The following GNAL variants were observed in gnomAD, a reference collection of about 807,000 sequenced individuals.
GNAL encodes guanine nucleotide-binding protein G(olf) subunit alpha.
GNAL carries 18 observed loss-of-function variants against 55.1 expected under a neutral mutation model. The ratio of observed to expected loss-of-function variants is 0.33; its 90% CI spans 0.23 to 0.48. The LOEUF (loss-of-function observed/expected upper bound fraction) is 0.48, where lower values mean the gene tolerates loss of function less well. Ranked by LOEUF, GNAL falls within the 20% of genes least tolerant of loss-of-function variation. GNAL has a pLI of 0.99. For missense variants in GNAL, 412 were observed against 614.1 expected (o/e 0.67, Z 3.48); for synonymous variants, 253 against 237.0 (o/e 1.07, Z -0.62).
At chr18:11,809,084 CCTGTCT>C (rs897395367) in intron 4 of GNAL, among the ~76,000 whole-genome samples, 3 of 152,132 alleles carry the variant, frequency 2.0e-5, no homozygotes, top group Non-Finnish European at 4.4e-5. Flanking sequence ...ATGGCAAAAC[CCTGTCT>C]CTACCTAAAA....
intron 4 of GNAL, among the ~76,000 whole-genome samples, chr18:11,780,913 A>T (rs896331942): frequency 6.6e-6 from 1 of 152,220 alleles, no homozygotes; most frequent in African/African-American, 2.4e-5. Context: ...CAACCCTAGG[A>T]GTCCATTCGT....
intron 5 of GNAL, chr18:11,857,827 C>T: frequency 1.6e-6 from 1 of 643,520 alleles, no homozygotes; most frequent in Non-Finnish European, 1.9e-6. Context: ...TCCTGGGCTC[C>T]AGTGATCCTG....
At chr18:11,791,396 G>T (rs2034232229) in intron 4 of GNAL, among the ~76,000 whole-genome samples, 1 of 152,214 alleles carries the variant, frequency 6.6e-6, no homozygotes, top group African/African-American at 2.4e-5. Flanking sequence ...GCCTGGGTTA[G>T]GGGGTGAAAC....
At chr18:11,706,743 A>G (rs1192466247) in intron 1 of GNAL, among the ~76,000 whole-genome samples, 1 of 152,220 alleles carries the variant, frequency 6.6e-6, no homozygotes, top group Non-Finnish European at 1.5e-5. Flanking sequence ...CATTCATAAG[A>G]AGCAACTCCT....
intron 4 of GNAL, among the ~76,000 whole-genome samples, chr18:11,771,717 GTTGT>G (rs758462946): frequency 3.3e-5 from 5 of 151,488 alleles, no homozygotes; most frequent in African/African-American, 9.7e-5. Flanking sequence ...AAATTTTTTT[GTTGT>G]TTGTTTGTTT....
At chr18:11,852,357 A>C (rs1044918886) in intron 5 of GNAL, 12 of 497,008 alleles carry the variant, frequency 2.4e-5, no homozygotes, top group Non-Finnish European at 4.4e-5. Context: ...TAACAGAACT[A>C]GTTAATTTCG....
At chr18:11,875,000 C>T (rs2036497396) in intron 10 of GNAL, among the ~76,000 whole-genome samples, 4 of 152,168 alleles carry the variant, frequency 2.6e-5, no homozygotes, top group Non-Finnish European at 4.4e-5. Context: ...TCTCAGATTT[C>T]GTGGGGTTAC....
intron 4 of GNAL, among the ~76,000 whole-genome samples, chr18:11,770,045 C>A (rs2143269838): frequency 6.6e-6 from 1 of 152,098 alleles, no homozygotes; most frequent in Non-Finnish European, 1.5e-5. Flanking sequence ...TTAGATAATT[C>A]AACTTTTTAT....
In GNAL at chr18:11,865,755, TAAAAAAAAAAAA is replaced by T. The variant is rs777122802; in HGVS notation, c.851+1159_851+1170del. 4.2e-4 allele frequency among the ~76,000 whole-genome samples: 34 copies of T among 81,220 alleles called. No homozygotes were observed. In the South Asian group the frequency reaches 0.011, roughly 27 times the overall value. 53.3% of individuals were successfully genotyped at this position (81,220 alleles called of 152,430 possible). On this transcript the variant is annotated intron_variant, in intron 7 of 11. Coordinates refer to ENST00000334049, the MANE Select transcript of GNAL (RefSeq NM_182978.4). ...GGGTGACAGAGTAAGACCCTGTCTC[TAAAAAAAAAAAA>T]AAAAAAAAAGCATCCAAGCATCCCT...
intron 4 of GNAL, among the ~76,000 whole-genome samples, chr18:11,783,291 G>A (rs1054430933): frequency 2.6e-5 from 4 of 152,170 alleles, no homozygotes; most frequent in African/African-American, 7.2e-5. Context: ...CTCTGTGTGC[G>A]TCAGCTTGTT....
intron 4 of GNAL, among the ~76,000 whole-genome samples, chr18:11,799,377 A>T (rs2034465626): frequency 6.6e-6 from 1 of 152,198 alleles, no homozygotes; most frequent in African/African-American, 2.4e-5. Context: ...GCTCTGTCTT[A>T]AACATAAATG....
chr18:11,781,795 C>T (rs1214189082), intron 4 of GNAL, among the ~76,000 whole-genome samples: 1 of 152,116 alleles, frequency 6.6e-6, no homozygotes, highest in Non-Finnish European at 1.5e-5. Context: ...TTGAGGAAAA[C>T]TTAGGAGATG....
At chr18:11,812,052 T>C (rs2034830828) in intron 4 of GNAL, among the ~76,000 whole-genome samples, 1 of 152,234 alleles carries the variant, frequency 6.6e-6, no homozygotes, top group Non-Finnish European at 1.5e-5. Flanking sequence ...ATTAGGATTT[T>C]ACAGAGAGAA....
chr18:11,727,452 T>A (rs1364630), intron 1 of GNAL, among the ~76,000 whole-genome samples: 152,079 of 152,374 alleles, frequency 1, 75,893 homozygotes, highest in East Asian at 1. Flanking sequence ...ATAAAAAATT[T>A]CCTGGGCATG....
chr18:11,745,927 A>G (rs2032678139), intron 1 of GNAL: 4 of 222,162 alleles, frequency 1.8e-5, no homozygotes, highest in South Asian at 1.3e-4. Context: ...TTGAGCAAAC[A>G]GTTTGTATGT....
Position 11,751,469 on chromosome 18 carries a change from A to C in GNAL, c.377-1384A>C, listed in dbSNP as rs934398460. The C allele has an allele frequency of 9.2e-6, 9 of 982,898 alleles. No individual in the cohort carries two copies. The highest frequency in any genetic ancestry group is 4.8e-6 in the Non-Finnish European group (4 of 827,698). The allele number at this position is 982,898 out of a possible 1,614,324, so 60.9% of individuals were successfully genotyped here. On this transcript the variant is annotated intron_variant, in intron 1 of 11. Coordinates refer to ENST00000334049, the MANE Select transcript of GNAL (RefSeq NM_182978.4). The surrounding 1 kb of genome is among the most constrained non-coding windows in gnomAD (Gnocchi z 4.5). ...GGAGGCGGCGACGTGGGCGAGCTGGAATAGTCTAGAAGCTGAGCAGAACAA... is the reference window on the plus strand; with the variant it reads ...GGAGGCGGCGACGTGGGCGAGCTGGCATAGTCTAGAAGCTGAGCAGAACAA...
chr18:11,868,740 T>A lies in GNAL; in HGVS notation c.1031+77T>A. 1 of 1,285,194 alleles carries A rather than the reference T, an allele frequency of 7.8e-7. No homozygotes were observed. Among genetic ancestry groups the A allele is most frequent in the Non-Finnish European group, 1.1e-6 (1 of 916,800 alleles). 79.6% of individuals were successfully genotyped at this position (1,285,194 alleles called of 1,614,324 possible). On this transcript the variant is annotated intron_variant, in intron 9 of 11. Transcript: ENST00000334049. This position sits in a 1 kb window ranked among gnomAD's most constrained non-coding sequence, Gnocchi z 4.0. ...GTTAAAAATACGCTCAGGCCAGGCG[T>A]TGTGGCTCACACCTGTAATCTCAAC... is the stretch of plus-strand genomic sequence containing the variant.
intron 5 of GNAL, among the ~76,000 whole-genome samples, chr18:11,844,421 C>T (rs764927951): frequency 3.3e-5 from 5 of 152,056 alleles, no homozygotes; most frequent in Non-Finnish European, 5.9e-5. Flanking sequence ...GTGACAAGAG[C>T]GAAACTCTAT....
chr18:11,885,318 C>T lies in GNAL; in HGVS notation c.*4183C>T, dbSNP rs544094659. On this transcript the variant is annotated 3_prime_UTR_variant, in exon 12 of 12. Transcript: ENST00000334049. ...AGCGTTCTCTGCCAGGTCAAATGGGCATGTTTAGAAAATAAGAGAAGATGG... is the reference window on the plus strand; with the variant it reads ...AGCGTTCTCTGCCAGGTCAAATGGGTATGTTTAGAAAATAAGAGAAGATGG... 1 of 284,342 alleles carries T rather than the reference C, an allele frequency of 3.5e-6. No individual in the cohort carries two copies. Among genetic ancestry groups the T allele is most frequent in the Admixed American group, 5.0e-5 (1 of 19,834 alleles). 17.6% of individuals were successfully genotyped at this position (284,342 alleles called of 1,614,324 possible).
Sources: allele counts gnomAD v4.1 joint callset (sites outside exome capture counted in the v4.1 genomes callset), GRCh38; gene constraint gnomAD v4.1.1; non-coding constraint Gnocchi (gnomAD v3.1); transcripts MANE v1.5; gene names NCBI Gene and HGNC (gene_info 2026-07-23, HGNC 2026-07-21).